The following PRELID2 variants were observed in gnomAD, a reference collection of about 807,000 sequenced individuals.
PRELID2 encodes PRELI domain-containing protein 2.
PRELID2 carries 25 observed loss-of-function variants against 28.4 expected under a neutral mutation model. That is an observed-to-expected ratio of 0.88 (90% CI 0.64 to 1.23). The LOEUF (loss-of-function observed/expected upper bound fraction) is 1.23, where lower values mean the gene tolerates loss of function less well. PRELID2 is among the 50% of genes most tolerant of loss of function. The pLI, the probability that PRELID2 is intolerant of heterozygous loss-of-function variation, is 0.00. For missense variants in PRELID2, 201 were observed against 214.4 expected (o/e 0.94, Z 0.39); for synonymous variants, 76 against 71.6 (o/e 1.06, Z -0.31).
intron 1 of PRELID2, among the ~76,000 whole-genome samples, chr5:145,695,088 T>A (rs1389876442): frequency 6.6e-6 from 1 of 152,154 alleles, no homozygotes; most frequent in Admixed American, 6.6e-5. Context: ...TAAAATCTTA[T>A]GGTCAAACAT....
intron 1 of PRELID2, among the ~76,000 whole-genome samples, chr5:145,489,582 T>C (rs989308605): frequency 6.6e-6 from 1 of 152,146 alleles, no homozygotes; most frequent in Non-Finnish European, 1.5e-5. Flanking sequence ...CAGCATTCTT[T>C]CCCTGTAACA....
the PRELID2 span, among the ~76,000 whole-genome samples, chr5:145,413,997 G>GTAAT: frequency 6.6e-6 from 1 of 152,086 alleles, no homozygotes; most frequent in African/African-American, 2.4e-5. Flanking sequence ...TTTCTAAAAA[G>GTAAT]TAATTGCTCT....
intron 1 of PRELID2, among the ~76,000 whole-genome samples, chr5:145,651,116 C>A (rs552853017): frequency 1.3e-5 from 2 of 152,110 alleles, no homozygotes; most frequent in Non-Finnish European, 2.9e-5. Flanking sequence ...TGATATCCCA[C>A]GCCTGGCTCA....
At chr5:145,548,003 T>A (rs1381448112) in intron 1 of PRELID2, among the ~76,000 whole-genome samples, 1 of 152,158 alleles carries the variant, frequency 6.6e-6, no homozygotes, top group African/African-American at 2.4e-5. Flanking sequence ...ACTCCCCTCC[T>A]AAAAGCCATC....
chr5:145,638,335 T>C (rs1351159050), intron 1 of PRELID2, among the ~76,000 whole-genome samples: 1 of 152,176 alleles, frequency 6.6e-6, no homozygotes, highest in South Asian at 2.1e-4. Context: ...TGATATACAC[T>C]ACTACAGCAT....
chr5:145,345,361 A>G, the PRELID2 span, among the ~76,000 whole-genome samples: 1 of 151,884 alleles, frequency 6.6e-6, no homozygotes, highest in Admixed American at 6.6e-5. Context: ...AGACTCATTT[A>G]TTGAGGACCT....
chr5:145,257,697 T>A, the PRELID2 span, among the ~76,000 whole-genome samples: 1 of 152,196 alleles, frequency 6.6e-6, no homozygotes, highest in Admixed American at 6.6e-5. Context: ...TTGTTAATAT[T>A]AGAAGTAGAC....
At chr5:145,379,642 A>G in the PRELID2 span, among the ~76,000 whole-genome samples, 2 of 152,198 alleles carry the variant, frequency 1.3e-5, no homozygotes, top group East Asian at 3.9e-4. Flanking sequence ...TGGAGCGGGG[A>G]GCAGGGATGG....
At chr5:145,672,588 T>C (rs1754730726) in intron 1 of PRELID2, among the ~76,000 whole-genome samples, 1 of 151,654 alleles carries the variant, frequency 6.6e-6, no homozygotes, top group African/African-American at 2.4e-5. Context: ...CTCTTCATCA[T>C]GTAACAGAAA....
chr5:145,362,730 A>C, the PRELID2 span, among the ~76,000 whole-genome samples: 1 of 152,176 alleles, frequency 6.6e-6, no homozygotes, highest in Non-Finnish European at 1.5e-5. Flanking sequence ...GAATAGACAT[A>C]GTTAGGCTTA....
chr5:145,475,143 C>G (rs1752088802), intron 1 of PRELID2, among the ~76,000 whole-genome samples: 1 of 152,140 alleles, frequency 6.6e-6, no homozygotes, highest in Admixed American at 6.6e-5. Flanking sequence ...AGTAGAGTGG[C>G]TGGCATATTG....
rs1277037911 is a variant in PRELID2 at position 145,759,063 on chromosome 5, C to CA, written c.*1472dup. 7.4e-6 allele frequency: 1 copy of CA among 135,698 alleles called. No homozygotes were observed. Among genetic ancestry groups the CA allele is most frequent in the African/African-American group, 2.8e-5 (1 of 35,986 alleles). The allele number at this position is 135,698 out of a possible 1,614,324, so 8.4% of individuals were successfully genotyped here. ...TCACCCAGGCTGGGGTGCAGTGGCA[C>CA]AATCTCAGCTTACTGCAACCTTCAC... is the stretch of plus-strand genomic sequence containing the variant. On this transcript the variant is annotated 3_prime_UTR_variant, in exon 7 of 7. Transcript: ENST00000683046.
At chr5:145,413,103 A>G in the PRELID2 span, among the ~76,000 whole-genome samples, 2 of 152,182 alleles carry the variant, frequency 1.3e-5, no homozygotes, top group African/African-American at 4.8e-5. Context: ...ACAAAAGACT[A>G]ATATCCAGAA....
At chr5:145,604,511 T>G (rs1410095376) in intron 1 of PRELID2, among the ~76,000 whole-genome samples, 2 of 152,136 alleles carry the variant, frequency 1.3e-5, no homozygotes, top group Non-Finnish European at 2.9e-5. Context: ...TTCCATGTCT[T>G]TGCCATTGTG....
chr5:145,590,430 T>A (rs1753212181), intron 1 of PRELID2, among the ~76,000 whole-genome samples: 1 of 152,238 alleles, frequency 6.6e-6, no homozygotes, highest in South Asian at 2.1e-4. Flanking sequence ...ATTTATTTAT[T>A]GTTTATCTCT....
the PRELID2 span, among the ~76,000 whole-genome samples, chr5:145,274,849 C>A: frequency 2.0e-5 from 3 of 152,104 alleles, no homozygotes; most frequent in Admixed American, 6.6e-5. Flanking sequence ...CCACCACAGA[C>A]TGGGTGGCTT....
At chr5:145,464,985 A>G in the PRELID2 span, among the ~76,000 whole-genome samples, 1 of 152,150 alleles carries the variant, frequency 6.6e-6, no homozygotes, top group Non-Finnish European at 1.5e-5. Flanking sequence ...TCCTCTTGTA[A>G]TGTATGTTGT....
At chr5:145,277,790 C>T in the PRELID2 span, among the ~76,000 whole-genome samples, 1 of 152,310 alleles carries the variant, frequency 6.6e-6, no homozygotes, top group East Asian at 1.9e-4. Context: ...GGCTGACTCT[C>T]CTCACTGGGC....
At chr5:145,372,479 C>A in the PRELID2 span, among the ~76,000 whole-genome samples, 1 of 151,992 alleles carries the variant, frequency 6.6e-6, no homozygotes, top group Non-Finnish European at 1.5e-5. Flanking sequence ...GTGTGGGAGT[C>A]TAAGTCTCTT....
Sources: gnomAD v4.1 joint callset for allele counts (sites outside exome capture counted in the v4.1 genomes callset) on GRCh38, gnomAD v4.1.1 for gene constraint, MANE v1.5 for transcripts, NCBI Gene and HGNC (gene_info 2026-07-23, HGNC 2026-07-21) for gene names.